Variants in DENND2A observed in about 807,000 individuals in gnomAD.
DENND2A encodes DENN domain-containing protein 2A.
Under a neutral mutation model 105.3 loss-of-function variants are expected in DENND2A, and 53 were observed. That is an observed-to-expected ratio of 0.50 (90% CI 0.40 to 0.63). DENND2A has a LOEUF of 0.63. Ranked by LOEUF, DENND2A falls within the 30% of genes least tolerant of loss-of-function variation. The pLI is 0.00. For synonymous variants in DENND2A, 522 were observed against 508.4 expected (o/e 1.03, Z -0.36); for missense variants, 1,138 against 1,279.6 (o/e 0.89, Z 1.69).
chr7:140,618,900 G>A (rs111390456), intron 1 of DENND2A, among the ~76,000 whole-genome samples: 18,401 of 151,850 alleles, frequency 0.12, 3,129 homozygotes, highest in African/African-American at 0.38. Flanking sequence ...CCGGGTTCAC[G>A]CCATTCTCCT....
chr7:140,581,366 A>G (rs1798535575), intron 5 of DENND2A, among the ~76,000 whole-genome samples: 1 of 152,232 alleles, frequency 6.6e-6, no homozygotes, highest in Non-Finnish European at 1.5e-5. Flanking sequence ...ATCTGCCCGC[A>G]GCTACACATT....
chr7:140,553,673 C>T (rs977320211), intron 12 of DENND2A, among the ~76,000 whole-genome samples: 1 of 152,184 alleles, frequency 6.6e-6, no homozygotes, highest in East Asian at 1.9e-4. Context: ...TCCCTGGGTA[C>T]TTGAGATTAG....
chr7:140,527,102 T>C lies in DENND2A; in HGVS notation c.2505+216A>G, dbSNP rs978063435. On this transcript the variant is annotated intron_variant, in intron 15 of 19. Coordinates refer to ENST00000496613, the MANE Select transcript of DENND2A (RefSeq NM_015689.5). This position sits in a 1 kb window ranked among gnomAD's most constrained non-coding sequence, Gnocchi z 4.9. ...TCTCAAGAGGTGCTCATACCAGGCA[T>C]TTCATTTGGAAGGGAAAACAGTGTT... Among the ~76,000 whole-genome samples, 7 of 152,130 alleles carry C rather than the reference T, an allele frequency of 4.6e-5. No homozygotes were observed. The highest frequency in any genetic ancestry group is 3.2e-3 in the Middle Eastern group (1 of 316).
intron 1 of DENND2A, among the ~76,000 whole-genome samples, chr7:140,634,885 C>T (rs1450979808): frequency 6.6e-6 from 1 of 151,810 alleles, no homozygotes; most frequent in Non-Finnish European, 1.5e-5. Context: ...TTGCTTGAAC[C>T]CAGGAGGTGG....
intron 1 of DENND2A, among the ~76,000 whole-genome samples, chr7:140,624,877 T>G (rs1427806596): frequency 8.7e-5 from 13 of 149,106 alleles, no homozygotes; most frequent in Admixed American, 2.0e-4. Flanking sequence ...TGTTTTTTTT[T>G]TTTTGCTTTT....
In DENND2A at chr7:140,518,538, C is replaced by T. The variant is rs1023594613; in HGVS notation, c.*169G>A. On this transcript the variant is annotated 3_prime_UTR_variant, in exon 20 of 20. Coordinates refer to ENST00000496613, the MANE Select transcript of DENND2A (RefSeq NM_015689.5). ...CCCTTTCTGGGGCTGTCCTCCCAGG[C>T]GGCTCCCAGGTCCTCATCCAGGGAA... is the stretch of plus-strand genomic sequence containing the variant. 25 of 550,376 alleles carry T rather than the reference C, an allele frequency of 4.5e-5. No individual in the cohort carries two copies. Among genetic ancestry groups the T allele is most frequent in the Admixed American group, 7.2e-5 (2 of 27,752 alleles). The allele number at this position is 550,376 out of a possible 1,614,324, so 34.1% of individuals were successfully genotyped here.
At chr7:140,564,642 T>C (rs932614875) in intron 9 of DENND2A, among the ~76,000 whole-genome samples, 4 of 152,190 alleles carry the variant, frequency 2.6e-5, no homozygotes, top group Non-Finnish European at 5.9e-5. Context: ...CAGTTTCCTT[T>C]TAAACAGTGA....
chr7:140,525,894 G>A (rs532748207), intron 15 of DENND2A, 102 bp from the exon 16 acceptor site: 3 of 998,372 alleles, frequency 3.0e-6, no homozygotes, highest in Non-Finnish European at 4.3e-6. Flanking sequence ...AGGCAGCTGG[G>A]GCGGGGCTGG....
chr7:140,584,005 G>T (rs1207018218), intron 5 of DENND2A, among the ~76,000 whole-genome samples: 1 of 149,028 alleles, frequency 6.7e-6, no homozygotes, highest in Non-Finnish European at 1.5e-5. Flanking sequence ...ACTTTGGGAG[G>T]CCAAGGCGGG....
chr7:140,602,047 G>A lies in DENND2A; in HGVS notation c.351C>T (p.Val117=), dbSNP rs766791747. Residue 117 remains valine, a synonymous_variant, in exon 3 of 20, where the codon GTC becomes GTT. Transcript: ENST00000496613. ...GCCCCGGCTCTGGGTCCTGTCCCCC[G>A]ACGTTCACTGCTCCTTTATTCCTCT... is the stretch of plus-strand genomic sequence containing the variant. ...EKERNKGAVN[V]GGQDPEPGQD... The A allele has an allele frequency of 1.9e-6, 3 of 1,614,154 alleles. No homozygotes were observed. The highest frequency in any genetic ancestry group is 1.7e-6 in the Non-Finnish European group (2 of 1,180,042).
chr7:140,589,955 T>C (rs889138039), intron 3 of DENND2A, among the ~76,000 whole-genome samples: 2 of 152,174 alleles, frequency 1.3e-5, no homozygotes, highest in African/African-American at 2.4e-5. Flanking sequence ...TTTGTATAGG[T>C]CAAATTTCGA....
Position 140,634,061 on chromosome 7 carries a change from C to T in DENND2A, c.-248+6443G>A, listed in dbSNP as rs189575149. On this transcript the variant is annotated intron_variant, in intron 1 of 19. Transcript: ENST00000496613. ...TCACCCAGGATGGAGTGCAGTGGCGCGACCTCGGCTCACTGCAACCTCCAC... is the reference window on the plus strand; with the variant it reads ...TCACCCAGGATGGAGTGCAGTGGCGTGACCTCGGCTCACTGCAACCTCCAC... Among the ~76,000 whole-genome samples, 1,325 of 150,916 alleles carry T rather than the reference C, an allele frequency of 8.8e-3. 17 individuals carry two copies. Among genetic ancestry groups the T allele is most frequent in the African/African-American group, 0.03 (1,231 of 40,996 alleles).
chr7:140,584,507 G>A (rs933166241), intron 5 of DENND2A, among the ~76,000 whole-genome samples: 2 of 152,206 alleles, frequency 1.3e-5, no homozygotes, highest in African/African-American at 2.4e-5. Flanking sequence ...GAGATTAGGG[G>A]TAATGGGTGC....
intron 14 of DENND2A, among the ~76,000 whole-genome samples, chr7:140,532,736 C>T (rs138461450): frequency 3.2e-4 from 48 of 152,052 alleles, no homozygotes; most frequent in African/African-American, 7.7e-4. Context: ...AGGCACCCTA[C>T]GATCCAGGCA....
At chr7:140,579,070 C>T (rs899500320) in intron 5 of DENND2A, among the ~76,000 whole-genome samples, 6 of 151,964 alleles carry the variant, frequency 3.9e-5, no homozygotes, top group South Asian at 2.1e-4. Flanking sequence ...CCACGTTGGG[C>T]GGATCACAAG....
intron 5 of DENND2A, among the ~76,000 whole-genome samples, chr7:140,581,570 C>T (rs1049682534): frequency 6.6e-6 from 1 of 152,118 alleles, no homozygotes; most frequent in Non-Finnish European, 1.5e-5. Context: ...AGCCCAGATG[C>T]GGTAGATACT....
chr7:140,555,852 G>T (rs1797344830), intron 11 of DENND2A, 139 bp from the exon 12 acceptor site: 2 of 596,574 alleles, frequency 3.4e-6, no homozygotes, highest in Non-Finnish European at 5.7e-6. Flanking sequence ...AAAGTAAGTT[G>T]TTATCCCATT....
chr7:140,531,547 C>T (rs1796263823), intron 14 of DENND2A, among the ~76,000 whole-genome samples: 1 of 152,114 alleles, frequency 6.6e-6, no homozygotes, highest in Admixed American at 6.5e-5. Context: ...GCCTGTAATC[C>T]TAGCACTTTG....
intron 5 of DENND2A, among the ~76,000 whole-genome samples, chr7:140,578,678 C>T (rs181939662): frequency 3.3e-5 from 5 of 151,342 alleles, no homozygotes; most frequent in Non-Finnish European, 5.9e-5. Flanking sequence ...GTTAGGAGTT[C>T]GAGACCAGCC....
Sources: gnomAD v4.1 joint callset for allele counts (sites outside exome capture counted in the v4.1 genomes callset) on GRCh38, gnomAD v4.1.1 for gene constraint, Gnocchi (gnomAD v3.1) non-coding constraint, MANE v1.5 for transcripts, NCBI Gene and HGNC (gene_info 2026-07-23, HGNC 2026-07-21) for gene names.